The following ELOA variants were observed in gnomAD, a reference collection of about 807,000 sequenced individuals.
ELOA encodes the protein elongin A, also known as elongin-A.
In ELOA, 15 loss-of-function variants were observed where a neutral mutation model predicts 85.2. The ratio of observed to expected loss-of-function variants is 0.18; its 90% CI spans 0.12 to 0.27. The LOEUF (loss-of-function observed/expected upper bound fraction) is 0.27, where lower values mean the gene tolerates loss of function less well. ELOA is among the 10% of genes least tolerant of loss of function. The pLI, the probability that ELOA is intolerant of heterozygous loss-of-function variation, is 1.00. For synonymous variants in ELOA, 348 were observed against 357.2 expected (o/e 0.97, Z 0.29); for missense variants, 769 against 952.7 (o/e 0.81, Z 2.54).
rs1404277378 is a variant in ELOA at position 23,756,992 on chromosome 1, T to C, written c.2124T>C (p.Ala708=). Residue 708 remains alanine, a synonymous_variant, in exon 10 of 11, where the codon GCT becomes GCC. Transcript: ENST00000613537. ...CGTACCCCATGGGAAGCAGCCATGC[T>C]TCCGCCAGTAGCATCAGCTTTAACC... ...PAPYPMGSSH[A]SASSISFNPS... 9 of 1,592,064 alleles carry C rather than the reference T, an allele frequency of 5.7e-6. 1 individual carries two copies. The South Asian group carries it at 9.1e-5, about 16-fold the overall frequency.
intron 10 of ELOA, 122 bp from the exon 11 acceptor site, chr1:23,759,390 C>T: frequency 1.1e-6 from 1 of 902,874 alleles, no homozygotes; most frequent in Non-Finnish European, 1.8e-6. Context: ...ATAGTTACTA[C>T]TTGTATCTCT....
intron 10 of ELOA, among the ~76,000 whole-genome samples, 187 bp from the exon 11 acceptor site, chr1:23,759,325 C>T (rs1638259675): frequency 6.6e-6 from 1 of 152,206 alleles, no homozygotes; most frequent in Non-Finnish European, 1.5e-5. Flanking sequence ...CCTGGCAGGT[C>T]CTCCGAAAGT....
At chr1:23,758,397 C>G (rs995779412) in intron 10 of ELOA, among the ~76,000 whole-genome samples, 4 of 147,128 alleles carry the variant, frequency 2.7e-5, no homozygotes, top group Non-Finnish European at 6.0e-5. Flanking sequence ...CCTCAGCCTC[C>G]CAAGTAGCTG....
intron 2 of ELOA, 109 bp from the exon 3 acceptor site, chr1:23,749,733 A>T: frequency 2.3e-6 from 2 of 875,832 alleles, no homozygotes; most frequent in Non-Finnish European, 3.5e-6. Flanking sequence ...GGTATGTTGT[A>T]GGAAGGAAGT....
chr1:23,754,608 A>C (rs1276761619), intron 7 of ELOA, 148 bp downstream of exon 7: 9 of 664,776 alleles, frequency 1.4e-5, no homozygotes, highest in Non-Finnish European at 2.3e-5. Context: ...CTGGGCCTTT[A>C]AACAAGCATG....
At position 23,751,026 on chromosome 1, in the gene ELOA, A is replaced by G. The variant is rs1644767835; in HGVS notation, c.421A>G (p.Arg141Gly). 1 of 1,614,090 alleles carries G rather than the reference A, an allele frequency of 6.2e-7. No individual in the cohort carries two copies. The highest frequency in any genetic ancestry group is 8.5e-7 in the Non-Finnish European group (1 of 1,180,024). ...KKHRKLSELERPHKVSHGHER... is the reference protein window; with the variant it reads ...KKHRKLSELEGPHKVSHGHER... Reference sequence around the variant, plus strand: ...ACATAGGAAACTCTCGGAGCTCGAGAGACCTCACAAAGTGTCTCACGGTCA... The same window carrying G: ...ACATAGGAAACTCTCGGAGCTCGAGGGACCTCACAAAGTGTCTCACGGTCA... Residue 141 changes from arginine (R) to glycine (G), a missense_variant, in exon 4 of 11, where the codon AGA becomes GGA. This residue lies in a region of ELOA where 440 missense variants were observed against 474.0 expected (regional missense o/e 0.93). Transcript: ENST00000613537.
chr1:23,759,273 T>C (rs547430401), intron 10 of ELOA, among the ~76,000 whole-genome samples: 1 of 152,388 alleles, frequency 6.6e-6, no homozygotes, highest in Admixed American at 6.5e-5. Flanking sequence ...CCAGGCTCTC[T>C]GAGCCTTGGT....
Position 23,754,189 on chromosome 1 carries a change from G to T in ELOA, c.1627G>T (p.Ala543Ser). ...GCAGGTGTATTCTGGTTCCAAGTGT[G>T]CCTATCTCCCTAAAATGATGACCTT... ...KMQVYSGSKC[A>S]YLPKMMTLHQ... is the part of the protein sequence containing the mutation. The change falls in exon 6 of 11, where the codon GCC (alanine) becomes TCC (serine). Residue 543 changes from alanine to serine, a missense_variant. Ala to Ser is a moderately conservative substitution (Grantham distance 99, BLOSUM62 1). Transcript: ENST00000613537. 6.2e-7 allele frequency: 1 copy of T among 1,614,210 alleles called. No homozygotes were observed. The highest frequency in any genetic ancestry group is 8.5e-7 in the Non-Finnish European group (1 of 1,180,048).
chr1:23,748,298 T>C (rs533513194), intron 1 of ELOA, among the ~76,000 whole-genome samples: 64 of 151,030 alleles, frequency 4.2e-4, no homozygotes, highest in Admixed American at 2.9e-3. Context: ...TTTTGACTTA[T>C]TCAAGATCAC....
At position 23,754,275 on chromosome 1, in the gene ELOA, C is replaced by T; in HGVS notation, c.1693+20C>T. Reference sequence around the variant, plus strand: ...TCGATTGTAAGTCACACGCTTCTCTCTAGCTCTCAAGCACATTGTAGCACT... The same window carrying T: ...TCGATTGTAAGTCACACGCTTCTCTTTAGCTCTCAAGCACATTGTAGCACT... On this transcript the variant is annotated intron_variant, in intron 6 of 10. Coordinates refer to ENST00000613537, the MANE Select transcript of ELOA (RefSeq NM_003198.3). 1 of 1,614,168 alleles carries T rather than the reference C, an allele frequency of 6.2e-7. No homozygotes were observed.
At chr1:23,752,595 A>G in intron 5 of ELOA, 77 bp downstream of exon 5, 2 of 1,421,224 alleles carry the variant, frequency 1.4e-6, no homozygotes, top group Non-Finnish European at 1.9e-6. Flanking sequence ...AGTGGCTCAC[A>G]CCTATAATTC....
At chr1:23,756,252 G>A in intron 8 of ELOA, 22 bp from the exon 9 acceptor site, 5 of 1,540,616 alleles carry the variant, frequency 3.2e-6, no homozygotes, top group South Asian at 1.2e-5. Flanking sequence ...GAAGGCAGAT[G>A]TTCATCTCCA....
chr1:23,749,748 C>A (rs1644760738), intron 2 of ELOA, 94 bp from the exon 3 acceptor site: 1 of 1,053,200 alleles, frequency 9.5e-7, no homozygotes, highest in Non-Finnish European at 1.4e-6. Context: ...GGAAGTATTG[C>A]TTGTTGAGTT....
intron 3 of ELOA, among the ~76,000 whole-genome samples, chr1:23,750,407 C>A (rs1644764566): frequency 6.6e-6 from 1 of 152,144 alleles, no homozygotes; most frequent in South Asian, 2.1e-4. Context: ...GTTTTGATCT[C>A]CTGACCTCGT....
intron 10 of ELOA, among the ~76,000 whole-genome samples, chr1:23,758,247 A>ATTTTTTT (rs1338294015): frequency 1.2e-4 from 7 of 56,788 alleles, no homozygotes; most frequent in Admixed American, 2.7e-4. Context: ...GGGTCTTCCA[A>ATTTTTTT]TTTATTTATT....
At chr1:23,757,479 T>G (rs562954900) in intron 10 of ELOA, among the ~76,000 whole-genome samples, 25 of 152,172 alleles carry the variant, frequency 1.6e-4, no homozygotes, top group African/African-American at 5.5e-4. Flanking sequence ...ACACCTGTAG[T>G]CCCACCTACT....
chr1:23,750,170 C>CCTTTTTTTTTTTTTTTTT (rs1553125603), intron 3 of ELOA, among the ~76,000 whole-genome samples: 1 of 90,536 alleles, frequency 1.1e-5, no homozygotes. Context: ...TGGTACGTTT[C>CCTTTTTTTTTTTTTTTTT]TTTTTTTTTT....
In ELOA at chr1:23,757,033, C is replaced by T. The variant is rs752741432; in HGVS notation, c.2165C>T (p.Pro722Leu). ...SISFNPSPEE[P>L]AYDGPSTSSA... The stretch of plus-strand genomic sequence containing the variant: ...AGCTTTAACCCCAGCCCTGAGGAGC[C>T]GGCCTATGATGGCCCAAGCACCAGC... Residue 722 changes from proline to leucine, a missense_variant, in exon 10 of 11, where the codon CCG (proline) becomes CTG (leucine). Coordinates refer to ENST00000613537, the MANE Select transcript of ELOA (RefSeq NM_003198.3). 1.1e-5 allele frequency: 17 copies of T among 1,610,946 alleles called. No homozygotes were observed. The East Asian group carries it at 1.8e-4, about 17-fold the overall frequency.
chr1:23,758,613 A>G (rs143926005), intron 10 of ELOA, among the ~76,000 whole-genome samples: 2 of 147,700 alleles, frequency 1.4e-5, no homozygotes, highest in East Asian at 3.9e-4. Context: ...AGTTGCGTCT[A>G]TTTTGTATTT....
Sources: gnomAD v4.1 joint callset for allele counts (sites outside exome capture counted in the v4.1 genomes callset) on GRCh38, gnomAD v4.1.1 for gene constraint, gnomAD v4.1.1 regional missense constraint, MANE v1.5 for transcripts, NCBI Gene and HGNC (gene_info 2026-07-23, HGNC 2026-07-21) for gene names.